The following JARID2 variants were observed in gnomAD, a reference collection of about 807,000 sequenced individuals.
JARID2 encodes jumonji and AT-rich interaction domain containing 2, also known as protein Jumonji.
Under a neutral mutation model 125.6 loss-of-function variants are expected in JARID2, and 21 were observed. The ratio of observed to expected loss-of-function variants is 0.17; its 90% confidence interval spans 0.12 to 0.24. The LOEUF (loss-of-function observed/expected upper bound fraction) is 0.24. Among genes scored for constraint, JARID2 ranks in the 10% least tolerant of loss-of-function variants. The pLI is 1.00. For missense variants in JARID2, 1,303 were observed against 1,639.6 expected (o/e 0.79, Z 3.55); for synonymous variants, 736 against 661.6 (o/e 1.11, Z -1.73).
At chr6:15,505,726 C>T (rs1770972999) in intron 9 of JARID2, among the ~76,000 whole-genome samples, 2 of 152,270 alleles carry the variant, frequency 1.3e-5, no homozygotes, top group Non-Finnish European at 2.9e-5. Context: ...CACGCAGTGG[C>T]CTGACACCCG....
intron 1 of JARID2, among the ~76,000 whole-genome samples, chr6:15,331,395 G>GA (rs1762704645): frequency 6.6e-6 from 1 of 150,968 alleles, no homozygotes; most frequent in African/African-American, 2.4e-5. Context: ...AGTGGTGAAG[G>GA]AAAACAGAAA....
At chr6:15,509,251 A>C (rs1230976462) in intron 12 of JARID2, 19 of 1,203,388 alleles carry the variant, frequency 1.6e-5, no homozygotes, top group Admixed American at 3.2e-5. Flanking sequence ...ATGACTACAA[A>C]TAATCAGATG....
intron 1 of JARID2, among the ~76,000 whole-genome samples, chr6:15,276,559 G>C (rs185728575): frequency 6.6e-6 from 1 of 152,274 alleles, no homozygotes; most frequent in Admixed American, 6.5e-5. Flanking sequence ...TTTCCACATT[G>C]CCTCAGAAGT....
At chr6:15,247,352 A>T in intron 1 of JARID2, 1 of 837,136 alleles carries the variant, frequency 1.2e-6, no homozygotes, top group Non-Finnish European at 1.4e-6. Context: ...TGGAATAGTT[A>T]AATTTGTTTT....
intron 3 of JARID2, among the ~76,000 whole-genome samples, chr6:15,451,738 G>A (rs773699970): frequency 2.0e-5 from 3 of 152,124 alleles, no homozygotes; most frequent in Non-Finnish European, 2.9e-5. Context: ...TGTGTACATA[G>A]GCATGTATTT....
chr6:15,480,279 G>T (rs1323197334), intron 5 of JARID2, among the ~76,000 whole-genome samples: 1 of 152,156 alleles, frequency 6.6e-6, no homozygotes, highest in African/African-American at 2.4e-5. Flanking sequence ...GCTAGCAGAT[G>T]TTTCGGCTGA....
At chr6:15,472,138 G>T (rs1769105731) in intron 5 of JARID2, among the ~76,000 whole-genome samples, 1 of 151,670 alleles carries the variant, frequency 6.6e-6, no homozygotes, top group African/African-American at 2.4e-5. Flanking sequence ...TGGTAGGATA[G>T]TGTGAATCCT....
chr6:15,390,639 C>A (rs909857647), intron 2 of JARID2, among the ~76,000 whole-genome samples: 2 of 152,146 alleles, frequency 1.3e-5, no homozygotes, highest in Non-Finnish European at 2.9e-5. Context: ...CTCAGGTCAT[C>A]TCTGGGAACG....
intron 5 of JARID2, among the ~76,000 whole-genome samples, chr6:15,472,508 C>T (rs1026230081): frequency 1.3e-5 from 2 of 151,954 alleles, no homozygotes; most frequent in African/African-American, 4.8e-5. Flanking sequence ...AGGCCTGCCC[C>T]CAACCTCCAA....
intron 3 of JARID2, among the ~76,000 whole-genome samples, chr6:15,437,126 G>A (rs1261532158): frequency 6.6e-6 from 1 of 152,150 alleles, no homozygotes; most frequent in Admixed American, 6.5e-5. Context: ...TCCTGGAAAG[G>A]TCCCTTTTGG....
chr6:15,262,391 T>C (rs1048089375), intron 1 of JARID2, among the ~76,000 whole-genome samples: 4 of 152,182 alleles, frequency 2.6e-5, no homozygotes, highest in African/African-American at 9.7e-5. Context: ...TTTAAAATTA[T>C]GTTTCTAAAA....
chr6:15,352,581 G>A (rs1192997956), intron 1 of JARID2, among the ~76,000 whole-genome samples: 1 of 152,120 alleles, frequency 6.6e-6, no homozygotes, highest in East Asian at 1.9e-4. Context: ...TCCTTTTCCT[G>A]TGCTTCAGTC....
At chr6:15,452,719 G>A (rs1055035257) in intron 4 of JARID2, among the ~76,000 whole-genome samples, 29 of 152,310 alleles carry the variant, frequency 1.9e-4, no homozygotes, top group Middle Eastern at 3.4e-3. Context: ...ACCAGTTAAC[G>A]GAGGCCAGGT....
At chr6:15,489,032 C>G (rs1214096157) in intron 6 of JARID2, among the ~76,000 whole-genome samples, 1 of 152,140 alleles carries the variant, frequency 6.6e-6, no homozygotes, top group Non-Finnish European at 1.5e-5. Context: ...TGCTGTTGGT[C>G]TGATGGAGAA....
chr6:15,246,741 G>T (rs1185636764), intron 1 of JARID2, among the ~76,000 whole-genome samples, 157 bp downstream of exon 1: 1 of 152,164 alleles, frequency 6.6e-6, no homozygotes, highest in East Asian at 1.9e-4. Context: ...AAGCAAAGTG[G>T]TGTCTGCCTA....
intron 1 of JARID2, among the ~76,000 whole-genome samples, chr6:15,284,732 C>T (rs998736678): frequency 2.0e-5 from 3 of 152,104 alleles, no homozygotes; most frequent in African/African-American, 7.2e-5. Context: ...GGTGATCCAC[C>T]CACCTCAGCC....
At chr6:15,488,798 C>T (rs924379024) in intron 6 of JARID2, among the ~76,000 whole-genome samples, 2 of 152,140 alleles carry the variant, frequency 1.3e-5, no homozygotes, top group African/African-American at 4.8e-5. Context: ...TTTCCACAGT[C>T]CACACACACC....
chr6:15,332,489 T>C (rs1381380160), intron 1 of JARID2, among the ~76,000 whole-genome samples: 4 of 152,242 alleles, frequency 2.6e-5, no homozygotes, highest in African/African-American at 7.2e-5. Context: ...CAATATTTAA[T>C]AGCTCTGTTC....
chr6:15,295,495 A>G (rs1312669105), intron 1 of JARID2, among the ~76,000 whole-genome samples: 1 of 152,120 alleles, frequency 6.6e-6, no homozygotes, highest in African/African-American at 2.4e-5. Flanking sequence ...GGCCATTTCA[A>G]CGGAAAACAG....
Sources: gnomAD v4.1 joint callset for allele counts (sites outside exome capture counted in the v4.1 genomes callset) on GRCh38, gnomAD v4.1.1 for gene constraint, MANE v1.5 for transcripts, NCBI Gene and HGNC (gene_info 2026-07-23, HGNC 2026-07-21) for gene names.